The following CCDC85A variants were observed in gnomAD, a reference collection of about 807,000 sequenced individuals.
CCDC85A encodes the protein coiled-coil domain-containing protein 85A.
CCDC85A carries 38 observed loss-of-function variants against 50.2 expected under a neutral mutation model. The observed-to-expected ratio is 0.76, with a 90% CI of 0.58 to 0.99. The LOEUF (loss-of-function observed/expected upper bound fraction) is 0.99. Among genes scored for constraint, CCDC85A ranks in the 50% least tolerant of loss-of-function variants. The pLI is 0.00. For synonymous variants in CCDC85A, 366 were observed against 301.4 expected, an observed-to-expected ratio of 1.21 and a Z score of -2.22; for missense variants, 820 against 742.0, an observed-to-expected ratio of 1.11 and a Z score of -1.22.
intron 3 of CCDC85A, among the ~76,000 whole-genome samples, chr2:56,344,092 A>T (rs1674511057): frequency 6.6e-6 from 1 of 152,152 alleles, no homozygotes; most frequent in South Asian, 2.1e-4. Flanking sequence ...TTTCAAGGGG[A>T]ATACATTCCA....
At chr2:56,358,334 A>T (rs2104361883) in intron 3 of CCDC85A, among the ~76,000 whole-genome samples, 1 of 152,346 alleles carries the variant, frequency 6.6e-6, no homozygotes, top group South Asian at 2.1e-4. Context: ...AACTCTTAAG[A>T]AATTTCAAGC....
At chr2:56,343,660 T>C (rs187702543) in intron 3 of CCDC85A, among the ~76,000 whole-genome samples, 62 of 152,306 alleles carry the variant, frequency 4.1e-4, no homozygotes, top group African/African-American at 1.5e-3. Context: ...TCTAGGTTGG[T>C]TTCCTTTTCA....
intron 2 of CCDC85A, among the ~76,000 whole-genome samples, chr2:56,251,328 T>C (rs1669746524): frequency 6.6e-6 from 1 of 152,210 alleles, no homozygotes; most frequent in Admixed American, 6.5e-5. Flanking sequence ...GGATGTATTA[T>C]CTGAAAATGT....
Position 56,184,747 on chromosome 2 carries a change from C to G in CCDC85A, c.123C>G (p.Asp41Glu). The G allele has an allele frequency of 1.3e-6, 2 of 1,543,796 alleles. No homozygotes were observed. The highest frequency in any genetic ancestry group is 1.7e-6 in the Non-Finnish European group (2 of 1,145,392). ...APVEDLSKVS[D>E]EELLQWSKEE... Reference sequence around the variant, plus strand: ...TGGAGGACCTGTCCAAAGTGTCGGACGAGGAGCTGCTGCAGTGGAGCAAGG... The same window carrying G: ...TGGAGGACCTGTCCAAAGTGTCGGAGGAGGAGCTGCTGCAGTGGAGCAAGG... Residue 41 changes from aspartate to glutamate, a missense_variant, in exon 1 of 6, where the codon GAC (aspartate) becomes GAG (glutamate). Coordinates refer to ENST00000407595, the MANE Select transcript of CCDC85A (RefSeq NM_001080433.2).
chr2:56,217,974 A>G (rs1453105188), intron 2 of CCDC85A, among the ~76,000 whole-genome samples: 1 of 151,856 alleles, frequency 6.6e-6, no homozygotes, highest in East Asian at 1.9e-4. Flanking sequence ...GAAAAGCATC[A>G]TTGAATTGGT....
At chr2:56,356,731 G>GGAAA (rs397723056) in intron 3 of CCDC85A, among the ~76,000 whole-genome samples, 1 of 104,338 alleles carries the variant, frequency 9.6e-6, no homozygotes, top group Non-Finnish European at 2.0e-5. Context: ...CCATCTCAAG[G>GGAAA]AAAAAAAAAA....
rs564664219 is a variant in CCDC85A at position 56,220,177 on chromosome 2, C to T, written c.1240+26737C>T. Among the ~76,000 whole-genome samples, 53 of 151,990 alleles carry T rather than the reference C, an allele frequency of 3.5e-4. No homozygotes were observed. The South Asian group carries it at 0.01, about 30-fold the overall frequency. Reference sequence around the variant, plus strand: ...TGTTAGTGTTCTTGGAACATCCTTTCGTGCATATATTTGTCAGTACAGGCA... The same window carrying T: ...TGTTAGTGTTCTTGGAACATCCTTTTGTGCATATATTTGTCAGTACAGGCA... On this transcript the variant is annotated intron_variant, in intron 2 of 5. Coordinates refer to ENST00000407595, the MANE Select transcript of CCDC85A (RefSeq NM_001080433.2).
intron 3 of CCDC85A, among the ~76,000 whole-genome samples, chr2:56,348,320 T>C (rs938875276): frequency 6.6e-6 from 1 of 152,244 alleles, no homozygotes; most frequent in African/African-American, 2.4e-5. Flanking sequence ...TCTGAATCCA[T>C]AGAGGCACCC....
rs560076168 is a variant in CCDC85A, at chr2:56,372,769, G to A, written c.1452+291G>A. On this transcript the variant is annotated intron_variant, in intron 4 of 5. Transcript: ENST00000407595. Reference sequence around the variant, plus strand: ...AAAAGGAGTTTAGGTCAGTGGTCTTGAAAATCATGTCTCTAGACAAGCTCA... The same window carrying A: ...AAAAGGAGTTTAGGTCAGTGGTCTTAAAAATCATGTCTCTAGACAAGCTCA... Among the ~76,000 whole-genome samples the A allele has an allele frequency of 7.2e-5, 11 of 152,278 alleles. No individual in the cohort carries two copies. In the South Asian group the frequency reaches 1.0e-3, roughly 14 times the overall value.
chr2:56,190,364 A>G (rs912813804), intron 1 of CCDC85A, among the ~76,000 whole-genome samples: 7 of 152,170 alleles, frequency 4.6e-5, no homozygotes, highest in African/African-American at 1.7e-4. Flanking sequence ...TCTACTAGTC[A>G]TCTTAAAAAT....
At chr2:56,349,834 T>A (rs1464863063) in intron 3 of CCDC85A, among the ~76,000 whole-genome samples, 1 of 152,112 alleles carries the variant, frequency 6.6e-6, no homozygotes, top group Non-Finnish European at 1.5e-5. Context: ...GAAGGTACAT[T>A]CAAAACTTTT....
chr2:56,278,831 C>T lies in CCDC85A; in HGVS notation c.1241-64048C>T, dbSNP rs563435479. On this transcript the variant is annotated intron_variant, in intron 2 of 5. Transcript: ENST00000407595. ...CAAGTGAACAGCCCACCTCGGCCTT[C>T]CAAAGTGCTGGGATTACAGGCATGA... Among the ~76,000 whole-genome samples the T allele has an allele frequency of 9.7e-4, 147 of 152,310 alleles. 1 individual carries two copies. The South Asian group carries it at 0.029, about 30-fold the overall frequency.
chr2:56,211,325 T>A (rs1677169209), intron 2 of CCDC85A, among the ~76,000 whole-genome samples: 1 of 152,228 alleles, frequency 6.6e-6, no homozygotes, highest in South Asian at 2.1e-4. Flanking sequence ...TTTCTTGTAT[T>A]TGCACTTGCA....
intron 2 of CCDC85A, among the ~76,000 whole-genome samples, chr2:56,338,717 G>A (rs1045721745): frequency 6.6e-6 from 1 of 152,066 alleles, no homozygotes; most frequent in African/African-American, 2.4e-5. Flanking sequence ...AAAATCCCAA[G>A]GGTTTAACGA....
intron 2 of CCDC85A, among the ~76,000 whole-genome samples, chr2:56,339,659 A>G (rs1408610711): frequency 6.6e-6 from 1 of 152,232 alleles, no homozygotes; most frequent in Non-Finnish European, 1.5e-5. Flanking sequence ...GTAAATTGTG[A>G]ACAAAAAAGA....
intron 2 of CCDC85A, among the ~76,000 whole-genome samples, chr2:56,320,245 A>C (rs532245385): frequency 2.0e-5 from 3 of 152,300 alleles, no homozygotes; most frequent in African/African-American, 7.2e-5. Context: ...AAGCAAGAGC[A>C]AACACATTCA....
At chr2:56,284,008 C>G (rs1278193413) in intron 2 of CCDC85A, among the ~76,000 whole-genome samples, 2 of 152,042 alleles carry the variant, frequency 1.3e-5, no homozygotes, top group Non-Finnish European at 2.9e-5. Context: ...GTATTTAAAA[C>G]TCTACATTTC....
At chr2:56,331,774 C>T (rs994920475) in intron 2 of CCDC85A, among the ~76,000 whole-genome samples, 12 of 152,210 alleles carry the variant, frequency 7.9e-5, no homozygotes, top group African/African-American at 2.4e-4. Context: ...GAACAGCACT[C>T]GTGATTTTTT....
chr2:56,217,623 C>A (rs774542415), intron 2 of CCDC85A, among the ~76,000 whole-genome samples: 3 of 151,662 alleles, frequency 2.0e-5, no homozygotes, highest in Non-Finnish European at 4.4e-5. Flanking sequence ...GTAAAAAGAG[C>A]CAGCATTGGT....
Sources: gnomAD v4.1 joint callset for allele counts (sites outside exome capture counted in the v4.1 genomes callset) on GRCh38, gnomAD v4.1.1 for gene constraint, MANE v1.5 for transcripts, NCBI Gene and HGNC (gene_info 2026-07-23, HGNC 2026-07-21) for gene names.